HECTD4: variants seen among roughly 807,000 people sequenced by gnomAD.
HECTD4 encodes probable E3 ubiquitin-protein ligase HECTD4.
A neutral mutation model predicts 471.5 loss-of-function variants in HECTD4; 114 were observed. The ratio of observed to expected loss-of-function variants is 0.24; its 90% CI spans 0.21 to 0.28. HECTD4 has a LOEUF of 0.28. HECTD4 is among the 10% of genes least tolerant of loss of function. HECTD4 has a pLI of 1.00. For missense variants in HECTD4, 3,866 were observed against 5,651.5 expected (o/e 0.68, Z 10.13); for synonymous variants, 2,012 against 2,256.0 (o/e 0.89, Z 3.07).
intron 1 of HECTD4, among the ~76,000 whole-genome samples, chr12:112,346,182 T>C (rs1374619115): frequency 1.3e-5 from 2 of 152,186 alleles, no homozygotes; most frequent in African/African-American, 4.8e-5. Context: ...ATTGGTGTAC[T>C]AGAATTAAAA....
In HECTD4 at chr12:112,269,690, C is replaced by A. The variant is rs1246141950; in HGVS notation, c.2321+14G>T. 1.2e-6 allele frequency: 2 copies of A among 1,613,510 alleles called. No homozygotes were observed. Among genetic ancestry groups the A allele is most frequent in the East Asian group, 4.5e-5 (2 of 44,892 alleles). On this transcript the variant is annotated intron_variant, in intron 13 of 75. Coordinates refer to ENST00000682272, the MANE Select transcript of HECTD4 (RefSeq NM_001388303.1). ...ATTTTGCAGAGAGCACTACAAAAATCATTAGCTGTTTACCTGATGGCAAGG... is the reference window on the plus strand; with the variant it reads ...ATTTTGCAGAGAGCACTACAAAAATAATTAGCTGTTTACCTGATGGCAAGG...
In HECTD4 at chr12:112,265,178, C is replaced by T. The variant is rs368191325; in HGVS notation, c.2616G>A (p.Val872=). 3.1e-6 allele frequency: 5 copies of T among 1,590,884 alleles called. No individual in the cohort carries two copies. Among genetic ancestry groups the T allele is most frequent in the Non-Finnish European group, 4.3e-6 (5 of 1,171,704 alleles). ...CATTAAACACATTTTTACTTACAGGCACAGTTGAAAGGAGCTTTTGAAAAT... is the reference window on the plus strand; with the variant it reads ...CATTAAACACATTTTTACTTACAGGTACAGTTGAAAGGAGCTTTTGAAAAT... ...KDDFQKLLST[V]PAASSCLRYL... is the part of the protein sequence containing the mutation. The change falls in exon 16 of 76, where the codon GTG becomes GTA. Residue 872 remains valine, a synonymous_variant. Coordinates refer to ENST00000682272, the MANE Select transcript of HECTD4 (RefSeq NM_001388303.1).
Position 112,274,864 on chromosome 12 carries a change from G to T in HECTD4, c.1784C>A (p.Ala595Asp). 6.5e-7 allele frequency: 1 copy of T among 1,546,646 alleles called. No homozygotes were observed. The highest frequency in any genetic ancestry group is 8.7e-7 in the Non-Finnish European group (1 of 1,143,484). Residue 595 changes from alanine to aspartate, a missense_variant, in exon 10 of 76, where the codon GCT (alanine) becomes GAT (aspartate). By Grantham distance (126) the Ala-to-Asp change is moderately radical (BLOSUM62 -2). Coordinates refer to ENST00000682272, the MANE Select transcript of HECTD4 (RefSeq NM_001388303.1). Reference sequence around the variant, plus strand: ...TTTCTTACCCAATCCTGGTACGAGAGCACCACGCCCCAGTGAGCTTCCAGC... The same window carrying T: ...TTTCTTACCCAATCCTGGTACGAGATCACCACGCCCCAGTGAGCTTCCAGC... Reference protein sequence around the residue: ...DAAGSSLGRGALVPGLGACYD... With the variant: ...DAAGSSLGRGDLVPGLGACYD...
rs760602252 is a variant in HECTD4, at chr12:112,203,688, C to T, written c.8354G>A (p.Arg2785Gln). 5 of 1,613,290 alleles carry T rather than the reference C, an allele frequency of 3.1e-6. No individual in the cohort carries two copies. Among genetic ancestry groups the T allele is most frequent in the African/African-American group, 1.3e-5 (1 of 74,910 alleles). Residue 2785 changes from arginine (R) to glutamine (Q), a missense_variant, in exon 54 of 76, where the codon CGA becomes CAA. Physicochemically the swap from Arg to Gln is conservative, Grantham distance 43. This residue lies in a region of HECTD4 where 266 missense variants were observed against 441.6 expected (regional missense o/e 0.60). Transcript: ENST00000682272. ...VGTALPKFAI[R>Q]GMLKTFGLHG... is the part of the protein sequence containing the mutation. ...AAGCCCAAAGGTTTTCAGCATCCCTCGGATGGCAAATTTTGGCAGAGCAGT... is the reference window on the plus strand; with the variant it reads ...AAGCCCAAAGGTTTTCAGCATCCCTTGGATGGCAAATTTTGGCAGAGCAGT...
chr12:112,342,379 C>T (rs1211121036), intron 1 of HECTD4, among the ~76,000 whole-genome samples: 1 of 152,092 alleles, frequency 6.6e-6, no homozygotes, highest in African/African-American at 2.4e-5. Context: ...ATCGCTTGAG[C>T]CTAAGAGTTT....
intron 52 of HECTD4, 73 bp downstream of exon 52, chr12:112,207,801 C>A: frequency 6.5e-7 from 1 of 1,548,904 alleles, no homozygotes; most frequent in Non-Finnish European, 8.8e-7. Context: ...TCCTGATTTA[C>A]ATTCTGATTT....
chr12:112,363,476 T>C (rs1319193116), intron 1 of HECTD4, among the ~76,000 whole-genome samples: 1 of 152,128 alleles, frequency 6.6e-6, no homozygotes, highest in Non-Finnish European at 1.5e-5. Context: ...AACCTAAAAA[T>C]GTGCAAAATA....
chr12:112,235,564 C>A lies in HECTD4; in HGVS notation c.5665G>T (p.Asp1889Tyr). ...SLNSEQEDPS[D>Y]PASKIASLLL... is the part of the protein sequence containing the mutation. The stretch of plus-strand genomic sequence containing the variant: ...AGGGAGGCGATCTTGGAAGCTGGGT[C>A]GCTGGGATCCTCCTGCTCACTGTTT... Residue 1889 changes from aspartate (D) to tyrosine (Y), a missense_variant, in exon 36 of 76, where the codon GAC becomes TAC. Coordinates refer to ENST00000682272, the MANE Select transcript of HECTD4 (RefSeq NM_001388303.1). This position sits in a 1 kb window ranked among gnomAD's most constrained non-coding sequence, Gnocchi z 5.0. The A allele has an allele frequency of 6.2e-7, 1 of 1,613,844 alleles. No individual in the cohort carries two copies. Among genetic ancestry groups the A allele is most frequent in the South Asian group, 1.1e-5 (1 of 91,018 alleles).
intron 50 of HECTD4, among the ~76,000 whole-genome samples, chr12:112,209,090 C>T (rs2032682203): frequency 1.3e-5 from 2 of 150,732 alleles, no homozygotes; most frequent in South Asian, 4.2e-4. Flanking sequence ...TTTGTAGAGA[C>T]AGGGTCTCAC....
chr12:112,268,722 C>G (rs1212611644), intron 13 of HECTD4, among the ~76,000 whole-genome samples: 6 of 150,548 alleles, frequency 4.0e-5, no homozygotes, highest in Non-Finnish European at 8.9e-5. Flanking sequence ...CACCACTGCA[C>G]TCGAGCCTGG....
chr12:112,309,149 G>A (rs1248809977), intron 5 of HECTD4, among the ~76,000 whole-genome samples: 2 of 152,194 alleles, frequency 1.3e-5, no homozygotes, highest in Non-Finnish European at 2.9e-5. Context: ...TCAAACTGTA[G>A]TTTCTTTTGG....
chr12:112,183,600 A>C (rs1479730901), intron 61 of HECTD4, among the ~76,000 whole-genome samples: 1 of 152,246 alleles, frequency 6.6e-6, no homozygotes, highest in Non-Finnish European at 1.5e-5. Flanking sequence ...GATTCTAGGA[A>C]AGAAACCAGC....
chr12:112,323,005 T>C, intron 1 of HECTD4: 1 of 187,386 alleles, frequency 5.3e-6, no homozygotes, highest in Non-Finnish European at 1.1e-5. Context: ...AAACTGCCAG[T>C]ACCTGGCAGG....
intron 9 of HECTD4, among the ~76,000 whole-genome samples, chr12:112,276,383 GA>G (rs1252075968): frequency 5.3e-5 from 8 of 151,644 alleles, no homozygotes; most frequent in Admixed American, 5.2e-4. Context: ...GTAATAGGAG[GA>G]AAAAAGAGGG....
At position 112,173,980 on chromosome 12, in the gene HECTD4, CTTT is replaced by C. The variant is rs869244608; in HGVS notation, c.11595-1122_11595-1120del. Among the ~76,000 whole-genome samples the C allele has an allele frequency of 1.4e-5, 2 of 141,386 alleles. No homozygotes were observed. The highest frequency in any genetic ancestry group is 1.6e-5 in the Non-Finnish European group (1 of 64,090). 92.8% of individuals were successfully genotyped at this position (141,386 alleles called of 152,430 possible). A position where few individuals can be genotyped will look rare whatever the true frequency, so the allele number is the denominator to read the frequency against. ...TTTGGTAGCCATTTTCTTTCCTTTTCTTTTTTTTTTTTTTGAGTTGGAGTTTCA... is the reference window on the plus strand; with the variant it reads ...TTTGGTAGCCATTTTCTTTCCTTTTCTTTTTTTTTTTGAGTTGGAGTTTCA... On this transcript the variant is annotated intron_variant, in intron 66 of 75. Transcript: ENST00000682272. The surrounding 1 kb of genome is among the most constrained non-coding windows in gnomAD (Gnocchi z 4.3).
At chr12:112,316,454 A>C (rs2035481484) in intron 2 of HECTD4, among the ~76,000 whole-genome samples, 1 of 152,066 alleles carries the variant, frequency 6.6e-6, no homozygotes, top group African/African-American at 2.4e-5. Flanking sequence ...CCTCACTCCT[A>C]TGTAAGCTCT....
At position 112,163,468 on chromosome 12, in the gene HECTD4, TG is replaced by T; in HGVS notation, c.12897+73del. On this transcript the variant is annotated intron_variant, in intron 74 of 75. Coordinates refer to ENST00000682272, the MANE Select transcript of HECTD4 (RefSeq NM_001388303.1). The surrounding 1 kb of genome is among the most constrained non-coding windows in gnomAD (Gnocchi z 8.2). The stretch of plus-strand genomic sequence containing the variant: ...ACAGGCCACTGCCGATGCCTGCTGC[TG>T]GAGTTGAGGGTGACAGGGAGGCACG... 7.7e-7 allele frequency: 1 copy of T among 1,299,832 alleles called. No homozygotes were observed. The highest frequency in any genetic ancestry group is 1.0e-6 in the Non-Finnish European group (1 of 963,144). The allele number at this position is 1,299,832 out of a possible 1,614,324, so 80.5% of individuals were successfully genotyped here.
Position 112,382,012 on chromosome 12 carries a change from G to A in HECTD4, c.117C>T (p.Asp39=). 1 of 1,224,586 alleles carries A rather than the reference G, an allele frequency of 8.2e-7. No individual in the cohort carries two copies. Among genetic ancestry groups the A allele is most frequent in the Non-Finnish European group, 1.0e-6 (1 of 983,254 alleles). 75.9% of individuals were successfully genotyped at this position (1,224,586 alleles called of 1,614,324 possible). Residue 39 remains aspartate, a synonymous_variant, in exon 1 of 76, where the codon GAC becomes GAT. Transcript: ENST00000682272. Reference sequence around the variant, plus strand: ...GGATCTCGCTGGGCAGCTCGGCCAGGTCGGTGACCCGGATCAGCCCGTCGT... The same window carrying A: ...GGATCTCGCTGGGCAGCTCGGCCAGATCGGTGACCCGGATCAGCCCGTCGT... ...FLHDGLIRVT[D]LAELPSEILG...
chr12:112,191,047 G>A, intron 59 of HECTD4, 82 bp from the exon 60 acceptor site: 1 of 1,223,756 alleles, frequency 8.2e-7, no homozygotes, highest in East Asian at 2.6e-5. Flanking sequence ...TGCCAGGTGT[G>A]CATGTAGAAA....
Sources: allele counts gnomAD v4.1 joint callset (sites outside exome capture counted in the v4.1 genomes callset), GRCh38; gene constraint gnomAD v4.1.1; regional missense constraint gnomAD v4.1.1; non-coding constraint Gnocchi (gnomAD v3.1); transcripts MANE v1.5; gene names NCBI Gene and HGNC (gene_info 2026-07-23, HGNC 2026-07-21).